Variants in RTN3 observed in about 807,000 individuals in gnomAD.
RTN3 encodes reticulon 3.
A neutral mutation model predicts 77.8 loss-of-function variants in RTN3; 49 were observed. The ratio of observed to expected loss-of-function variants is 0.63; its 90% CI spans 0.50 to 0.80. The LOEUF (loss-of-function observed/expected upper bound fraction) is 0.80. RTN3 is among the 30% of genes least tolerant of loss of function. The probability of loss-of-function intolerance (pLI) is 0.00; values close to 1 mark genes in which losing one functional copy is unlikely to be tolerated. For missense variants in RTN3, 1,236 were observed against 1,211.9 expected (o/e 1.02, Z -0.29); for synonymous variants, 464 against 446.9 (o/e 1.04, Z -0.48).
chr11:63,736,039 T>G (rs1198649411), intron 3 of RTN3, among the ~76,000 whole-genome samples: 1 of 152,168 alleles, frequency 6.6e-6, no homozygotes, highest in Admixed American at 6.5e-5. Context: ...GGATCAGCAT[T>G]CTAGGCATGG....
chr11:63,753,470 G>T (rs1450140809), intron 6 of RTN3, among the ~76,000 whole-genome samples, 192 bp from the exon 7 acceptor site: 2 of 152,008 alleles, frequency 1.3e-5, no homozygotes, highest in African/African-American at 4.8e-5. Flanking sequence ...ACCTGAAGAG[G>T]TTTTTTTTGT....
At chr11:63,733,991 C>T (rs1268553830) in intron 3 of RTN3, among the ~76,000 whole-genome samples, 1 of 151,982 alleles carries the variant, frequency 6.6e-6, no homozygotes, top group Non-Finnish European at 1.5e-5. Context: ...GATCCTGTTT[C>T]TAAAATTTTT....
At chr11:63,703,672 A>G (rs1189694960) in intron 1 of RTN3, among the ~76,000 whole-genome samples, 1 of 150,962 alleles carries the variant, frequency 6.6e-6, no homozygotes, top group Non-Finnish European at 1.5e-5. Context: ...CCTCCCGAGT[A>G]GCTGGGACTA....
intron 3 of RTN3, among the ~76,000 whole-genome samples, chr11:63,736,602 C>T (rs1222695709): frequency 2.0e-5 from 3 of 152,078 alleles, no homozygotes; most frequent in South Asian, 2.1e-4. Context: ...GCAGTAGAAT[C>T]GCTTGAACCC....
intron 1 of RTN3, among the ~76,000 whole-genome samples, chr11:63,687,085 T>G (rs1941414932): frequency 6.6e-6 from 1 of 152,188 alleles, no homozygotes. Flanking sequence ...AGTTAACCCT[T>G]AAATAAAAAG....
At chr11:63,699,972 A>G (rs1476805571) in intron 1 of RTN3, among the ~76,000 whole-genome samples, 3 of 152,220 alleles carry the variant, frequency 2.0e-5, no homozygotes, top group Non-Finnish European at 4.4e-5. Flanking sequence ...ATATGAATAC[A>G]ATGTGGTTTT....
intron 2 of RTN3, among the ~76,000 whole-genome samples, chr11:63,708,542 A>G (rs1942604248): frequency 6.6e-6 from 1 of 152,164 alleles, no homozygotes; most frequent in African/African-American, 2.4e-5. Context: ...TTTCAGGTAG[A>G]TGCATGTATA....
At position 63,735,600 on chromosome 11, in the gene RTN3, CTT is replaced by C. The variant is rs10691147; in HGVS notation, c.2531-14389_2531-14388del. Among the ~76,000 whole-genome samples the C allele has an allele frequency of 1.5e-3, 218 of 147,074 alleles. 3 individuals carry two copies. The highest frequency in any genetic ancestry group is 5.3e-3 in the African/African-American group (202 of 38,118). Reference sequence around the variant, plus strand: ...TCTCTCTCTCTCTCTCTCTCTCTCTCTTTCTTTCAACCCCTGTTTCCTGGGCT... The same window carrying C: ...TCTCTCTCTCTCTCTCTCTCTCTCTCTCTTTCAACCCCTGTTTCCTGGGCT... On this transcript the variant is annotated intron_variant, in intron 3 of 8. Transcript: ENST00000377819.
chr11:63,756,058 G>C, intron 7 of RTN3, 54 bp from the exon 8 acceptor site: 1 of 1,301,046 alleles, frequency 7.7e-7, no homozygotes, highest in Non-Finnish European at 1.1e-6. Context: ...GTGCCTTCAG[G>C]AAAATTGGTG....
intron 3 of RTN3, among the ~76,000 whole-genome samples, chr11:63,736,612 C>T (rs1036627257): frequency 6.6e-6 from 1 of 152,084 alleles, no homozygotes; most frequent in Non-Finnish European, 1.5e-5. Flanking sequence ...CGCTTGAACC[C>T]GGGAGGCGGA....
At chr11:63,703,153 A>G (rs1942330587) in intron 1 of RTN3, among the ~76,000 whole-genome samples, 1 of 152,252 alleles carries the variant, frequency 6.6e-6, no homozygotes, top group South Asian at 2.1e-4. Flanking sequence ...AATACAGTGT[A>G]ACAACTATTT....
intron 1 of RTN3, among the ~76,000 whole-genome samples, chr11:63,692,089 C>T (rs1941692228): frequency 6.6e-6 from 1 of 152,168 alleles, no homozygotes; most frequent in South Asian, 2.1e-4. Flanking sequence ...GTGGCGCGAT[C>T]TTGGCTCACT....
At chr11:63,756,664 ACCT>A in intron 8 of RTN3, among the ~76,000 whole-genome samples, 1 of 151,988 alleles carries the variant, frequency 6.6e-6, no homozygotes, top group East Asian at 1.9e-4. Flanking sequence ...TGCAGTCTCG[ACCT>A]CCTGGGCTCA....
chr11:63,747,625 G>T (rs926398894), intron 3 of RTN3, among the ~76,000 whole-genome samples: 2 of 152,168 alleles, frequency 1.3e-5, no homozygotes. Flanking sequence ...GCTCTAGGAA[G>T]GTTAGTCTTC....
intron 3 of RTN3, among the ~76,000 whole-genome samples, chr11:63,740,659 G>A (rs1030505551): frequency 3.3e-5 from 5 of 151,198 alleles, no homozygotes; most frequent in African/African-American, 1.2e-4. Flanking sequence ...TCAAACTCTT[G>A]GAATTCAAGC....
intron 4 of RTN3, among the ~76,000 whole-genome samples, chr11:63,751,854 AG>A (rs1226803965): frequency 6.6e-6 from 1 of 152,094 alleles, no homozygotes; most frequent in African/African-American, 2.4e-5. Context: ...TAGCCGGGCA[AG>A]GTGGCAGGTG....
chr11:63,756,497 G>C (rs1313796577), intron 8 of RTN3, among the ~76,000 whole-genome samples: 1 of 151,730 alleles, frequency 6.6e-6, no homozygotes, highest in Non-Finnish European at 1.5e-5. Context: ...AACATAGCTA[G>C]GCCTTGTCTC....
At chr11:63,756,326 T>C (rs1190024423) in intron 8 of RTN3, among the ~76,000 whole-genome samples, 156 bp downstream of exon 8, 1 of 152,236 alleles carries the variant, frequency 6.6e-6, no homozygotes, top group Non-Finnish European at 1.5e-5. Context: ...TTATTATAGC[T>C]GCTTCTATAA....
At position 63,718,957 on chromosome 11, in the gene RTN3, A is replaced by T; in HGVS notation, c.455A>T (p.His152Leu). The change falls in exon 3 of 9, where the codon CAT becomes CTT. Residue 152 changes from histidine (H) to leucine (L), a missense_variant. His to Leu is a moderately conservative substitution (Grantham distance 99). Around this residue, in one of 3 missense-constraint regions of RTN3, gnomAD observed 1,056 missense variants for 990.4 expected, o/e 1.07. Transcript: ENST00000377819. Reference sequence around the variant, plus strand: ...TCAGTTTCTCTTGCAGCAGGAGTTCATTGTGACCGTCCTTCTATTCCAGCC... The same window carrying T: ...TCAGTTTCTCTTGCAGCAGGAGTTCTTTGTGACCGTCCTTCTATTCCAGCC... The part of the protein sequence containing the change: ...DSSVSLAAGV[H>L]CDRPSIPASF... The T allele has an allele frequency of 6.2e-7, 1 of 1,614,176 alleles. No homozygotes were observed. Among genetic ancestry groups the T allele is most frequent in the Non-Finnish European group, 8.5e-7 (1 of 1,180,016 alleles).
Sources: gnomAD v4.1 joint callset for allele counts (sites outside exome capture counted in the v4.1 genomes callset) on GRCh38, gnomAD v4.1.1 for gene constraint, gnomAD v4.1.1 regional missense constraint, MANE v1.5 for transcripts, NCBI Gene and HGNC (gene_info 2026-07-23, HGNC 2026-07-21) for gene names.